The following SEMA5B variants were observed in gnomAD, a reference collection of about 807,000 sequenced individuals.
The protein encoded by SEMA5B is semaphorin-5B.
Under a neutral mutation model 135.0 loss-of-function variants are expected in SEMA5B, and 66 were observed. The ratio of observed to expected loss-of-function variants is 0.49; its 90% CI spans 0.40 to 0.60. The LOEUF (loss-of-function observed/expected upper bound fraction) is 0.60. SEMA5B is among the 20% of genes least tolerant of loss of function. The pLI, the probability that SEMA5B is intolerant of heterozygous loss-of-function variation, is 0.00. For missense variants in SEMA5B, 1,501 were observed against 1,566.3 expected (o/e 0.96, Z 0.70); for synonymous variants, 690 against 639.5 (o/e 1.08, Z -1.19).
At chr3:123,008,068 C>T (rs180861685) in intron 1 of SEMA5B, among the ~76,000 whole-genome samples, 10 of 152,306 alleles carry the variant, frequency 6.6e-5, no homozygotes, top group Non-Finnish European at 1.0e-4. Context: ...ACTTGAAGAA[C>T]GGGGTTTGCA....
intron 1 of SEMA5B, among the ~76,000 whole-genome samples, chr3:122,975,758 C>T (rs1446577309): frequency 1.3e-5 from 2 of 152,120 alleles, no homozygotes; most frequent in Non-Finnish European, 2.9e-5. Flanking sequence ...CCTCTCCAAT[C>T]CATCCTACAC....
upstream of SEMA5B, chr3:123,028,594 G>A (rs1279253094): frequency 6.6e-6 from 1 of 152,176 alleles, no homozygotes; most frequent in African/African-American, 2.4e-5. Flanking sequence ...CACAAGGAGC[G>A]AGGCCGAATT....
intron 1 of SEMA5B, among the ~76,000 whole-genome samples, chr3:122,972,095 A>G (rs1941146565): frequency 6.6e-6 from 1 of 152,126 alleles, no homozygotes; most frequent in South Asian, 2.1e-4. Context: ...GGAGTCCCTC[A>G]CTGCTCCAGG....
intron 3 of SEMA5B, among the ~76,000 whole-genome samples, chr3:122,945,479 T>C (rs1174939656): frequency 1.3e-5 from 2 of 152,164 alleles, no homozygotes; most frequent in East Asian, 1.9e-4. Context: ...TCCACCCTGA[T>C]CTTATTTTGC....
At chr3:122,973,430 G>A (rs150418572) in intron 1 of SEMA5B, among the ~76,000 whole-genome samples, 2 of 152,278 alleles carry the variant, frequency 1.3e-5, no homozygotes, top group East Asian at 1.9e-4. Flanking sequence ...CCAGCCTGGC[G>A]GGCAGTGGAG....
chr3:122,915,302 C>T, intron 14 of SEMA5B, 138 bp downstream of exon 14: 1 of 732,594 alleles, frequency 1.4e-6, no homozygotes, highest in Non-Finnish European at 2.1e-6. Flanking sequence ...CAGATATTAG[C>T]CACCTATCCA....
intron 1 of SEMA5B, among the ~76,000 whole-genome samples, chr3:123,024,535 C>T (rs376927100): frequency 6.6e-6 from 1 of 152,200 alleles, no homozygotes; most frequent in Non-Finnish European, 1.5e-5. Flanking sequence ...CCAGTCTTTG[C>T]TCTGCATGTG....
chr3:122,943,411 C>T (rs1335531384), intron 4 of SEMA5B, 25 bp downstream of exon 4: 7 of 1,529,988 alleles, frequency 4.6e-6, no homozygotes, highest in Non-Finnish European at 6.3e-6. Flanking sequence ...GCACTTCCCA[C>T]CCCGACCCTT....
intron 1 of SEMA5B, among the ~76,000 whole-genome samples, chr3:123,019,765 A>G (rs115248290): frequency 6.6e-6 from 1 of 152,296 alleles, no homozygotes; most frequent in Non-Finnish European, 1.5e-5. Flanking sequence ...GGCTGGAGGT[A>G]CGAAGATGAA....
chr3:122,910,322 C>T (rs1937623274), intron 22 of SEMA5B, 21 bp from the exon 23 acceptor site: 1 of 1,612,906 alleles, frequency 6.2e-7, no homozygotes. Context: ...AAGAAGGAAC[C>T]AGAGAAAGGG....
Position 123,027,742 on chromosome 3 carries a change from G to C in SEMA5B, c.-317C>G, listed in dbSNP as rs1231040339. 6.6e-6 allele frequency: 1 copy of C among 152,150 alleles called. No homozygotes were observed. Among genetic ancestry groups the C allele is most frequent in the African/African-American group, 2.4e-5 (1 of 41,432 alleles). 9.4% of individuals were successfully genotyped at this position (152,150 alleles called of 1,614,324 possible). On this transcript the variant is annotated 5_prime_UTR_variant, in exon 1 of 23. Transcript: ENST00000357599. The stretch of plus-strand genomic sequence containing the variant: ...CCGCGCTCCAACTAGCTCCCGACCC[G>C]GCGCTCGGAGAGAGCAGGGAGGAGG...
intron 1 of SEMA5B, among the ~76,000 whole-genome samples, chr3:122,971,425 G>A (rs930043572): frequency 1.3e-5 from 2 of 152,276 alleles, no homozygotes; most frequent in African/African-American, 4.8e-5. Flanking sequence ...GCCCACTCAT[G>A]GTTGAAAGTG....
At position 122,915,775 on chromosome 3, in the gene SEMA5B, G is replaced by C. The variant is rs1411190777; in HGVS notation, c.1804C>G (p.Pro602Ala). 9.3e-6 allele frequency: 15 copies of C among 1,613,738 alleles called. No individual in the cohort carries two copies. Among genetic ancestry groups the C allele is most frequent in the Non-Finnish European group, 1.3e-5 (15 of 1,179,628 alleles). ...GGAGGACACAAGGGGATTCTCACAGGACAGGCGGTGATGTTCTGGGTCCAG... is the reference window on the plus strand; with the variant it reads ...GGAGGACACAAGGGGATTCTCACAGCACAGGCGGTGATGTTCTGGGTCCAG... ...SLWTQNITACPVRNVTRDGGF... is the reference protein window; with the variant it reads ...SLWTQNITACAVRNVTRDGGF... Residue 602 changes from proline to alanine, a missense_variant and splice_region_variant, in exon 13 of 23, where the codon CCT (proline) becomes GCT (alanine). Pro to Ala is a conservative substitution (Grantham distance 27). Around this residue, in one of 2 missense-constraint regions of SEMA5B, gnomAD observed 927 missense variants for 881.6 expected, o/e 1.05. Coordinates refer to ENST00000357599, the MANE Select transcript of SEMA5B (RefSeq NM_001031702.4).
chr3:123,027,861 G>C (rs1359022089), upstream of SEMA5B: 4 of 152,118 alleles, frequency 2.6e-5, no homozygotes, highest in Non-Finnish European at 5.9e-5. Context: ...AAGAGGAGGG[G>C]GCTGGAGCAG....
Position 122,913,040 on chromosome 3 carries a change from C to A in SEMA5B, c.2528G>T (p.Arg843Leu). The part of the protein sequence containing the change: ...DTDALVEVLL[R>L]SGSTSPHTVS... Reference sequence around the variant, plus strand: ...CGTGTGCGGGGAGGTGCTCCCGCTGCGCAGGAGGACCTCCACCAGGGCTGC... The same window carrying A: ...CGTGTGCGGGGAGGTGCTCCCGCTGAGCAGGAGGACCTCCACCAGGGCTGC... The change falls in exon 18 of 23, where the codon CGC becomes CTC. Residue 843 changes from arginine to leucine, a missense_variant. Around this residue, in one of 2 missense-constraint regions of SEMA5B, gnomAD observed 927 missense variants for 881.6 expected, o/e 1.05. Transcript: ENST00000357599. The A allele has an allele frequency of 1.3e-6, 2 of 1,556,348 alleles. No homozygotes were observed. Among genetic ancestry groups the A allele is most frequent in the South Asian group, 1.2e-5 (1 of 84,094 alleles).
chr3:122,928,398 G>T, intron 7 of SEMA5B, 119 bp downstream of exon 7: 1 of 645,574 alleles, frequency 1.5e-6, no homozygotes, highest in Non-Finnish European at 2.7e-6. Flanking sequence ...GTGTCCTTTT[G>T]TTTCTGTTTT....
chr3:122,928,573 G>A lies in SEMA5B; in HGVS notation c.580C>T (p.Arg194Trp), dbSNP rs539049671. The A allele has an allele frequency of 1.4e-4, 219 of 1,564,138 alleles. 1 individual carries two copies. The South Asian group carries it at 1.8e-3, about 13-fold the overall frequency. The change falls in exon 7 of 23, where the codon CGG becomes TGG. Residue 194 changes from arginine (R) to tryptophan (W), a missense_variant. Coordinates refer to ENST00000357599, the MANE Select transcript of SEMA5B (RefSeq NM_001031702.4). ...TTGGTTCCACACATGAACACCTTCC[G>A]GCCGGCGACGATCAGGACTCGCACG... is the stretch of plus-strand genomic sequence containing the variant. ...NYVRVLIVAGRKVFMCGTNAF... is the reference protein window; with the variant it reads ...NYVRVLIVAGWKVFMCGTNAF...
At chr3:122,977,107 C>T (rs1941353900) in intron 1 of SEMA5B, among the ~76,000 whole-genome samples, 1 of 152,120 alleles carries the variant, frequency 6.6e-6, no homozygotes, top group African/African-American at 2.4e-5. Context: ...CTCTCTGATC[C>T]CAGGTGGGAA....
At chr3:122,918,181 C>T (rs185259160) in intron 12 of SEMA5B, among the ~76,000 whole-genome samples, 13 of 152,298 alleles carry the variant, frequency 8.5e-5, no homozygotes, top group Admixed American at 7.2e-4. Context: ...CAAATGTCTG[C>T]CAGCAGAGAA....
Sources: allele counts gnomAD v4.1 joint callset (sites outside exome capture counted in the v4.1 genomes callset), GRCh38; gene constraint gnomAD v4.1.1; regional missense constraint gnomAD v4.1.1; transcripts MANE v1.5; gene names NCBI Gene and HGNC (gene_info 2026-07-23, HGNC 2026-07-21).